The following ASH1L variants were observed in gnomAD, a reference collection of about 807,000 sequenced individuals.
ASH1L encodes the protein histone-lysine N-methyltransferase ASH1L.
ASH1L carries 23 observed loss-of-function variants against 269.0 expected under a neutral mutation model. That is an observed-to-expected ratio of 0.09 (90% CI 0.06 to 0.12). The LOEUF is 0.12. Ranked by LOEUF, ASH1L falls within the 10% of genes least tolerant of loss-of-function variation. ASH1L has a pLI of 1.00. For synonymous variants in ASH1L, 1,187 were observed against 1,253.5 expected (o/e 0.95, Z 1.12); for missense variants, 2,912 against 3,567.8 (o/e 0.82, Z 4.68).
chr1:155,480,854 G>T lies in ASH1L; in HGVS notation c.2016C>A (p.Phe672Leu). The T allele has an allele frequency of 6.2e-7, 1 of 1,613,774 alleles. No individual in the cohort carries two copies. Among genetic ancestry groups the T allele is most frequent in the Non-Finnish European group, 8.5e-7 (1 of 1,179,912 alleles). The change falls in exon 3 of 28, where the codon TTC (phenylalanine) becomes TTA (leucine). Residue 672 changes from phenylalanine (F) to leucine (L), a missense_variant. Physicochemically the swap from Phe to Leu is conservative, Grantham distance 22. Transcript: ENST00000392403. Reference protein sequence around the residue: ...IHTITPSVVNFTSLFSNKPFL... With the variant: ...IHTITPSVVNLTSLFSNKPFL... ...AAGGCTTATTACTAAATAAACTAGT[G>T]AAGTTAACAACTGAAGGAGTAATAG...
At chr1:155,411,209 A>G (rs1659732858) in intron 6 of ASH1L, among the ~76,000 whole-genome samples, 1 of 152,162 alleles carries the variant, frequency 6.6e-6, no homozygotes, top group South Asian at 2.1e-4. Flanking sequence ...AACTGCTAAC[A>G]ACAAAATAGC....
At chr1:155,380,182 C>A in intron 7 of ASH1L, 66 bp from the exon 8 acceptor site, 2 of 1,226,420 alleles carry the variant, frequency 1.6e-6, no homozygotes, top group Admixed American at 3.4e-5. Flanking sequence ...AGGTGTCAAA[C>A]AGCTACAAGA....
At chr1:155,348,845 C>T (rs1185412220) in intron 19 of ASH1L, among the ~76,000 whole-genome samples, 1 of 149,932 alleles carries the variant, frequency 6.7e-6, no homozygotes, top group South Asian at 2.1e-4. Flanking sequence ...CACGCTATTG[C>T]GCTCCAGCCT....
intron 4 of ASH1L, among the ~76,000 whole-genome samples, chr1:155,456,982 A>G (rs1285092854): frequency 6.6e-6 from 1 of 152,214 alleles, no homozygotes; most frequent in Non-Finnish European, 1.5e-5. Context: ...TTAATGCAGA[A>G]ATTTTAATAG....
chr1:155,343,428 G>A lies in ASH1L; in HGVS notation c.8179C>T (p.Pro2727Ser). 6.2e-7 allele frequency: 1 copy of A among 1,614,226 alleles called. No homozygotes were observed. The highest frequency in any genetic ancestry group is 1.1e-5 in the South Asian group (1 of 91,084). The change falls in exon 24 of 28, where the codon CCA (proline) becomes TCA (serine). Residue 2727 changes from proline (P) to serine (S), a missense_variant. Pro to Ser is a moderately conservative substitution (Grantham distance 74). This residue lies in a region of ASH1L where 179 missense variants were observed against 293.8 expected (regional missense o/e 0.61). Coordinates refer to ENST00000392403, the MANE Select transcript of ASH1L (RefSeq NM_018489.3). The surrounding 1 kb of genome is among the most constrained non-coding windows in gnomAD (Gnocchi z 6.1). Reference protein sequence around the residue: ...YFRPHETHHSPSRRFYHNELF... With the variant: ...YFRPHETHHSSSRRFYHNELF... Reference sequence around the variant, plus strand: ...TCATTATGATAGAACCGACGGGATGGAGAGTGGTGTGTTTCGTGGGGACGG... The same window carrying A: ...TCATTATGATAGAACCGACGGGATGAAGAGTGGTGTGTTTCGTGGGGACGG...
intron 4 of ASH1L, among the ~76,000 whole-genome samples, chr1:155,448,957 C>T (rs1663246763): frequency 6.6e-6 from 1 of 150,882 alleles, no homozygotes; most frequent in Admixed American, 6.6e-5. Context: ...TTTTTTTAAA[C>T]GGAGTCTCGC....
At chr1:155,366,989 GTTTTTTT>G (rs896488958) in intron 12 of ASH1L, among the ~76,000 whole-genome samples, 6 of 124,196 alleles carry the variant, frequency 4.8e-5, no homozygotes, top group Non-Finnish European at 1.0e-4. Flanking sequence ...AATGGGTTTG[GTTTTTTT>G]TTTTTTTTTT....
At chr1:155,360,260 G>T in intron 13 of ASH1L, 41 bp downstream of exon 13, 1 of 1,306,930 alleles carries the variant, frequency 7.7e-7, no homozygotes, top group Non-Finnish European at 1.1e-6. Context: ...AGCATTGTAA[G>T]GGATAAAGTT....
chr1:155,457,266 T>C (rs1054453519), intron 4 of ASH1L, among the ~76,000 whole-genome samples: 2 of 152,302 alleles, frequency 1.3e-5, no homozygotes, highest in Middle Eastern at 3.4e-3. Flanking sequence ...TAGCTCCCAA[T>C]TGCATGTACA....
At chr1:155,431,938 A>G (rs967567954) in intron 5 of ASH1L, among the ~76,000 whole-genome samples, 41 of 152,238 alleles carry the variant, frequency 2.7e-4, no homozygotes, top group African/African-American at 7.2e-4. Flanking sequence ...TACAGCAAAA[A>G]TTTATAAGTG....
At chr1:155,340,326 G>A (rs1340423092) in intron 25 of ASH1L, among the ~76,000 whole-genome samples, 9 of 152,022 alleles carry the variant, frequency 5.9e-5, no homozygotes, top group African/African-American at 9.7e-5. Context: ...GGGATTACAG[G>A]TGCATGCCAC....
At chr1:155,504,146 T>C (rs1018851795) in intron 2 of ASH1L, among the ~76,000 whole-genome samples, 1 of 152,234 alleles carries the variant, frequency 6.6e-6, no homozygotes, top group Non-Finnish European at 1.5e-5. Flanking sequence ...GTTTGGGATA[T>C]GGAAAGGTAG....
chr1:155,415,604 G>T, intron 6 of ASH1L, 140 bp downstream of exon 6: 2 of 905,498 alleles, frequency 2.2e-6, no homozygotes, highest in Non-Finnish European at 3.4e-6. Flanking sequence ...TTTGAGGGAG[G>T]CGTACCTCAT....
At chr1:155,489,407 G>C (rs553290117) in intron 2 of ASH1L, among the ~76,000 whole-genome samples, 1 of 151,088 alleles carries the variant, frequency 6.6e-6, no homozygotes, top group African/African-American at 2.4e-5. Flanking sequence ...TCGGGAGGCA[G>C]AGGTTGCAGT....
At position 155,370,987 on chromosome 1, in the gene ASH1L, GA is replaced by G. The variant is rs768685196; in HGVS notation, c.6333-5del. ...GGAACACTCAGCAAAGATCATTCTA[GA>G]AAAAAAAGGAATAACTGTACATCAA... On this transcript the variant is annotated splice_polypyrimidine_tract_variant and splice_region_variant and intron_variant, in intron 10 of 27. Transcript: ENST00000392403. The G allele has an allele frequency of 3.7e-6, 6 of 1,601,312 alleles. No individual in the cohort carries two copies. Among genetic ancestry groups the G allele is most frequent in the African/African-American group, 2.7e-5 (2 of 73,470 alleles).
At chr1:155,559,998 T>C (rs1284728619) in intron 1 of ASH1L, among the ~76,000 whole-genome samples, 1 of 152,182 alleles carries the variant, frequency 6.6e-6, no homozygotes, top group Non-Finnish European at 1.5e-5. Context: ...TTCAGAGTCC[T>C]TTACTAATAC....
At chr1:155,520,982 A>G (rs1302620099) in intron 2 of ASH1L, 118 bp downstream of exon 2, 1 of 1,146,202 alleles carries the variant, frequency 8.7e-7, no homozygotes, top group Non-Finnish European at 1.2e-6. Context: ...ACAAAAACAA[A>G]CTATCTGGAA....
intron 7 of ASH1L, among the ~76,000 whole-genome samples, 167 bp downstream of exon 7, chr1:155,395,292 T>G (rs1041446777): frequency 3.3e-5 from 5 of 152,128 alleles, no homozygotes; most frequent in African/African-American, 1.2e-4. Context: ...CCCCTGACTA[T>G]CAAACAGTGT....
rs1043161540 is a variant in ASH1L, at chr1:155,336,156, GA to G, written c.*1503del. The G allele has an allele frequency of 2.6e-5, 4 of 152,452 alleles. No individual in the cohort carries two copies. The highest frequency in any genetic ancestry group is 5.9e-5 in the Non-Finnish European group (4 of 67,982). The allele number at this position is 152,452 out of a possible 1,614,324, so 9.4% of individuals were successfully genotyped here. A position where few individuals can be genotyped will look rare whatever the true frequency, so the allele number is the denominator to read the frequency against. On this transcript the variant is annotated 3_prime_UTR_variant, in exon 28 of 28. Transcript: ENST00000392403. ...TTGTTTTTTCCTCAAGAATGACACA[GA>G]AAGGGGAAAAAGGAAAAAATATTTA... is the stretch of plus-strand genomic sequence containing the variant.
Sources: allele counts gnomAD v4.1 joint callset (sites outside exome capture counted in the v4.1 genomes callset), GRCh38; gene constraint gnomAD v4.1.1; regional missense constraint gnomAD v4.1.1; non-coding constraint Gnocchi (gnomAD v3.1); transcripts MANE v1.5; gene names NCBI Gene and HGNC (gene_info 2026-07-23, HGNC 2026-07-21).